PPP1R15A: variants seen among roughly 807,000 people sequenced by gnomAD.
The protein encoded by PPP1R15A is growth arrest and DNA damage-inducible protein GADD34.
A neutral mutation model predicts 48.5 loss-of-function variants in PPP1R15A; 43 were observed. The observed-to-expected ratio is 0.89, with a 90% CI of 0.69 to 1.14. The LOEUF is 1.14. Ranked by LOEUF, PPP1R15A falls within the 50% of genes most tolerant of loss-of-function variation. The probability of loss-of-function intolerance (pLI) is 0.00; values close to 1 mark genes in which losing one functional copy is unlikely to be tolerated. For missense variants in PPP1R15A, 868 were observed against 847.2 expected (o/e 1.02, Z -0.30); for synonymous variants, 327 against 327.4 (o/e 1.00, Z 0.01).
intron 1 of PPP1R15A, among the ~76,000 whole-genome samples, chr19:48,872,933 T>C (rs1475177236): frequency 6.6e-6 from 1 of 152,044 alleles, no homozygotes; most frequent in East Asian, 1.9e-4. Flanking sequence ...GTAAAGACTT[T>C]TGTTCTTGGT....
intron 1 of PPP1R15A, 103 bp downstream of exon 1, chr19:48,872,754 G>A: frequency 3.4e-6 from 1 of 290,460 alleles, no homozygotes; most frequent in Non-Finnish European, 7.1e-6. Flanking sequence ...GAGGGAGGAG[G>A]GATCTGGAAG....
Position 48,874,236 on chromosome 19 carries a change from C to G in PPP1R15A, c.1003C>G (p.Pro335Ala). 6.2e-7 allele frequency: 1 copy of G among 1,614,130 alleles called. No individual in the cohort carries two copies. Among genetic ancestry groups the G allele is most frequent in the Middle Eastern group, 1.6e-4 (1 of 6,062 alleles). Residue 335 changes from proline (P) to alanine (A), a missense_variant, in exon 2 of 3, where the codon CCA (proline) becomes GCA (alanine). By Grantham distance (27) the Pro-to-Ala change is conservative. Transcript: ENST00000200453. ...TGAGTGTCCTCCCTGCATCCCCCCACCAAGTGCCTTCCTGAAGGCCTGGGT... is the reference window on the plus strand; with the variant it reads ...TGAGTGTCCTCCCTGCATCCCCCCAGCAAGTGCCTTCCTGAAGGCCTGGGT... ...EAECPPCIPP[P>A]SAFLKAWVYW...
rs915368200 is a variant in PPP1R15A at position 48,874,213 on chromosome 19, A to C, written c.980A>C (p.Glu327Ala). The part of the protein sequence containing the change: ...LGAAEKDGEA[E>A]CPPCIPPPSA... Reference sequence around the variant, plus strand: ...GCAGCTGAGAAGGATGGAGAAGCTGAGTGTCCTCCCTGCATCCCCCCACCA... The same window carrying C: ...GCAGCTGAGAAGGATGGAGAAGCTGCGTGTCCTCCCTGCATCCCCCCACCA... The change falls in exon 2 of 3, where the codon GAG becomes GCG. Residue 327 changes from glutamate (E) to alanine (A), a missense_variant. Coordinates refer to ENST00000200453, the MANE Select transcript of PPP1R15A (RefSeq NM_014330.5). 1.2e-6 allele frequency: 2 copies of C among 1,614,080 alleles called. No individual in the cohort carries two copies. Among genetic ancestry groups the C allele is most frequent in the Non-Finnish European group, 1.7e-6 (2 of 1,180,054 alleles).
intron 2 of PPP1R15A, 90 bp downstream of exon 2, chr19:48,874,988 T>G: frequency 7.3e-7 from 1 of 1,379,168 alleles, no homozygotes; most frequent in Non-Finnish European, 9.5e-7. Flanking sequence ...TGCAGCGGCA[T>G]GATCTTGGCT....
At chr19:48,875,174 A>G in intron 2 of PPP1R15A, 1 of 363,212 alleles carries the variant, frequency 2.8e-6, no homozygotes, top group Non-Finnish European at 5.0e-6. Flanking sequence ...CACGTGATCC[A>G]CCCATCTCAG....
In PPP1R15A at chr19:48,873,964, GGAAGACCTCCGTGTCCCCCC is replaced by G. The variant is rs770878530; in HGVS notation, c.734_753del (p.Lys245IlefsTer57). The G allele has an allele frequency of 1.9e-6, 3 of 1,613,910 alleles. No individual in the cohort carries two copies. Among genetic ancestry groups the G allele is most frequent in the Non-Finnish European group, 2.5e-6 (3 of 1,179,992 alleles). On this transcript the variant is annotated frameshift_variant, in exon 2 of 3. Transcript: ENST00000200453. LOFTEE classifies it high-confidence loss of function. ...AGAACAGAAAGAAGTAAAGGAGCCA[GGAAGACCTCCGTGTCCCCCC>G]GATCTTCAGGCTCCGACCCCAGGTC... is the stretch of plus-strand genomic sequence containing the variant.
rs760109149 is a variant in PPP1R15A at position 48,873,324 on chromosome 19, C to T, written c.91C>T (p.Arg31Cys). The change falls in exon 2 of 3, where the codon CGC becomes TGC. Residue 31 changes from arginine to cysteine, a missense_variant. Arg to Cys is a radical substitution (Grantham distance 180). Coordinates refer to ENST00000200453, the MANE Select transcript of PPP1R15A (RefSeq NM_014330.5). ...LLSPVMGLLS[R>C]AWSRLRGLGP... is the part of the protein sequence containing the mutation. The stretch of plus-strand genomic sequence containing the variant: ...GTCCCCAGTGATGGGCCTCCTCAGC[C>T]GCGCCTGGAGCCGCCTGAGGGGCCT... The T allele has an allele frequency of 3.7e-6, 6 of 1,610,352 alleles. No individual in the cohort carries two copies. The highest frequency in any genetic ancestry group is 1.7e-4 in the Middle Eastern group (1 of 6,030).
In PPP1R15A at chr19:48,873,724, A is replaced by C. The variant is rs2037039282; in HGVS notation, c.491A>C (p.Glu164Ala). 9.9e-6 allele frequency: 16 copies of C among 1,614,158 alleles called. No homozygotes were observed. Among genetic ancestry groups the C allele is most frequent in the Non-Finnish European group, 1.4e-5 (16 of 1,180,030 alleles). ...SDKNPGEEKA[E>A]EEGVAEEEGV... ...AAGAACCCAGGGGAGGAGAAAGCCG[A>C]GGAAGAGGGAGTTGCTGAAGAGGAG... The change falls in exon 2 of 3, where the codon GAG (glutamate) becomes GCG (alanine). Residue 164 changes from glutamate to alanine, a missense_variant. Coordinates refer to ENST00000200453, the MANE Select transcript of PPP1R15A (RefSeq NM_014330.5).
Position 48,873,975 on chromosome 19 carries a change from G to T in PPP1R15A, c.742G>T (p.Val248Leu). The T allele has an allele frequency of 6.2e-7, 1 of 1,614,110 alleles. No individual in the cohort carries two copies. Among genetic ancestry groups the T allele is most frequent in the Non-Finnish European group, 8.5e-7 (1 of 1,180,012 alleles). Residue 248 changes from valine (V) to leucine (L), a missense_variant, in exon 2 of 3, where the codon GTG becomes TTG. Physicochemically the swap from Val to Leu is conservative, Grantham distance 32. Coordinates refer to ENST00000200453, the MANE Select transcript of PPP1R15A (RefSeq NM_014330.5). Reference sequence around the variant, plus strand: ...AAGTAAAGGAGCCAGGAAGACCTCCGTGTCCCCCCGATCTTCAGGCTCCGA... The same window carrying T: ...AAGTAAAGGAGCCAGGAAGACCTCCTTGTCCCCCCGATCTTCAGGCTCCGA... ...ERSKGARKTSVSPRSSGSDPR... is the reference protein window; with the variant it reads ...ERSKGARKTSLSPRSSGSDPR...
Position 48,875,994 on chromosome 19 carries a change from A to G in PPP1R15A, c.*21A>G. Reference sequence around the variant, plus strand: ...GCTGAGACCAACTGGTTTGCCTATAATTTATTAACTATTTATTTTTTCTAA... The same window carrying G: ...GCTGAGACCAACTGGTTTGCCTATAGTTTATTAACTATTTATTTTTTCTAA... On this transcript the variant is annotated 3_prime_UTR_variant, in exon 3 of 3. Transcript: ENST00000200453. 1 of 1,526,656 alleles carries G rather than the reference A, an allele frequency of 6.6e-7. No homozygotes were observed. The highest frequency in any genetic ancestry group is 8.8e-7 in the Non-Finnish European group (1 of 1,137,106). The allele number at this position is 1,526,656 out of a possible 1,614,324, so 94.6% of individuals were successfully genotyped here. A position where few individuals can be genotyped will look rare whatever the true frequency, so the allele number is the denominator to read the frequency against.
chr19:48,875,379 G>C, intron 2 of PPP1R15A: 1 of 601,414 alleles, frequency 1.7e-6, no homozygotes, highest in Non-Finnish European at 2.9e-6. Flanking sequence ...CAGGCCCCTG[G>C]GGGAGGAGGG....
At position 48,873,726 on chromosome 19, in the gene PPP1R15A, G is replaced by A. The variant is rs770470638; in HGVS notation, c.493G>A (p.Glu165Lys). ...GAACCCAGGGGAGGAGAAAGCCGAGGAAGAGGGAGTTGCTGAAGAGGAGGG... is the reference window on the plus strand; with the variant it reads ...GAACCCAGGGGAGGAGAAAGCCGAGAAAGAGGGAGTTGCTGAAGAGGAGGG... ...DKNPGEEKAEEEGVAEEEGVN... is the reference protein window; with the variant it reads ...DKNPGEEKAEKEGVAEEEGVN... Residue 165 changes from glutamate (E) to lysine (K), a missense_variant, in exon 2 of 3, where the codon GAA becomes AAA. By Grantham distance (56) the Glu-to-Lys change is moderately conservative. Transcript: ENST00000200453. The A allele has an allele frequency of 5.6e-6, 9 of 1,614,040 alleles. No homozygotes were observed. The South Asian group carries it at 8.8e-5, about 16-fold the overall frequency.
In PPP1R15A at chr19:48,874,869, G is replaced by A; in HGVS notation, c.1636G>A (p.Asp546Asn). 1 of 1,590,926 alleles carries A rather than the reference G, an allele frequency of 6.3e-7. No homozygotes were observed. The highest frequency in any genetic ancestry group is 8.5e-7 in the Non-Finnish European group (1 of 1,172,022). The change falls in exon 2 of 3, where the codon GAC (aspartate) becomes AAC (asparagine). Residue 546 changes from aspartate to asparagine, a missense_variant. Physicochemically the swap from Asp to Asn is conservative, Grantham distance 23. Transcript: ENST00000200453. ...CCCAGAAACCCCTACTCATGATCCGGACCCTGAGACTCCCCTAAAGGCCAG... is the reference window on the plus strand; with the variant it reads ...CCCAGAAACCCCTACTCATGATCCGAACCCTGAGACTCCCCTAAAGGCCAG... ...KRPETPTHDP[D>N]PETPLKARKV...
In PPP1R15A at chr19:48,874,923, A is replaced by ATTTT. The variant is rs146617539; in HGVS notation, c.1665+38_1665+41dup. 4,472 of 1,365,192 alleles carry ATTTT rather than the reference A, an allele frequency of 3.3e-3. 2 individuals carry two copies. The highest frequency in any genetic ancestry group is 3.7e-3 in the African/African-American group (235 of 64,212). 84.6% of individuals were successfully genotyped at this position (1,365,192 alleles called of 1,614,324 possible). A position where few individuals can be genotyped will look rare whatever the true frequency, so the allele number is the denominator to read the frequency against. On this transcript the variant is annotated intron_variant, in intron 2 of 2. Coordinates refer to ENST00000200453, the MANE Select transcript of PPP1R15A (RefSeq NM_014330.5). ...GGTAGGTGCTGAGAGCCCAGATTCT[A>ATTTT]TTTTTTTTTTTTTTTTAATTGAGTT... is the stretch of plus-strand genomic sequence containing the variant.
rs2037059773 is a variant in PPP1R15A, at chr19:48,874,797, T to G, written c.1564T>G (p.Trp522Gly). 6.8e-6 allele frequency: 11 copies of G among 1,613,832 alleles called. No homozygotes were observed. Among genetic ancestry groups the G allele is most frequent in the Non-Finnish European group, 8.5e-6 (10 of 1,179,982 alleles). ...YVPGEKPPPP[W>G]APPRLPLRLQ... ...ACCTGGAGAGAAGCCACCGCCTCCC[T>G]GGGCTCCTCCTAGGCTGCCCCTCCG... is the stretch of plus-strand genomic sequence containing the variant. The change falls in exon 2 of 3, where the codon TGG becomes GGG. Residue 522 changes from tryptophan (W) to glycine (G), a missense_variant. Trp to Gly is a radical substitution (Grantham distance 184, BLOSUM62 -2). Coordinates refer to ENST00000200453, the MANE Select transcript of PPP1R15A (RefSeq NM_014330.5).
In PPP1R15A at chr19:48,872,531, G is replaced by T; in HGVS notation, c.-130G>T. Reference sequence around the variant, plus strand: ...CAGCCGGAGATACTCTGAGTTACTCGGAGCCCGACGCCTGAGGGTGAGATG... The same window carrying T: ...CAGCCGGAGATACTCTGAGTTACTCTGAGCCCGACGCCTGAGGGTGAGATG... On this transcript the variant is annotated 5_prime_UTR_variant, in exon 1 of 3. Transcript: ENST00000200453. The T allele has an allele frequency of 2.2e-6, 1 of 456,156 alleles. No homozygotes were observed. The highest frequency in any genetic ancestry group is 4.4e-6 in the Non-Finnish European group (1 of 226,532). The allele number at this position is 456,156 out of a possible 1,614,324, so 28.3% of individuals were successfully genotyped here.
Position 48,872,458 on chromosome 19 carries a change from C to G in PPP1R15A, c.-203C>G, listed in dbSNP as rs769979456. 1 of 456,390 alleles carries G rather than the reference C, an allele frequency of 2.2e-6. No homozygotes were observed. The highest frequency in any genetic ancestry group is 4.4e-6 in the Non-Finnish European group (1 of 226,814). The allele number at this position is 456,390 out of a possible 1,614,324, so 28.3% of individuals were successfully genotyped here. On this transcript the variant is annotated 5_prime_UTR_variant, in exon 1 of 3. Transcript: ENST00000200453. ...TCCCATCCCAGTTGTTGATCTTATGCAAGACGCTGCACGACCCCGCGCCCG... is the reference window on the plus strand; with the variant it reads ...TCCCATCCCAGTTGTTGATCTTATGGAAGACGCTGCACGACCCCGCGCCCG...
intron 2 of PPP1R15A, chr19:48,875,269 T>G (rs1212824230): frequency 5.7e-6 from 2 of 348,412 alleles, no homozygotes; most frequent in Non-Finnish European, 1.0e-5. Context: ...GAAAGGGGGC[T>G]GGGGGCCGAG....
rs1349135690 is a variant in PPP1R15A, at chr19:48,873,934, A to G, written c.701A>G (p.Asp234Gly). 6 of 1,613,824 alleles carry G rather than the reference A, an allele frequency of 3.7e-6. No homozygotes were observed. Among genetic ancestry groups the G allele is most frequent in the Admixed American group, 1.7e-5 (1 of 59,912 alleles). Reference protein sequence around the residue: ...PGEEENQATEDKRTERSKGAR... With the variant: ...PGEEENQATEGKRTERSKGAR... ...GAGGAAGAGAATCAAGCCACGGAGG[A>G]TAAAAGAACAGAAAGAAGTAAAGGA... is the stretch of plus-strand genomic sequence containing the variant. Residue 234 changes from aspartate to glycine, a missense_variant, in exon 2 of 3, where the codon GAT becomes GGT. Transcript: ENST00000200453.
Sources: gnomAD v4.1 joint callset for allele counts (sites outside exome capture counted in the v4.1 genomes callset) on GRCh38, gnomAD v4.1.1 for gene constraint, MANE v1.5 for transcripts, NCBI Gene and HGNC (gene_info 2026-07-23, HGNC 2026-07-21) for gene names.